Variants in RETREG1 observed in about 807,000 individuals in gnomAD.
RETREG1 encodes the protein reticulophagy regulator 1.
Under a neutral mutation model 54.8 loss-of-function variants are expected in RETREG1, and 44 were observed. That is an observed-to-expected ratio of 0.80 (90% CI 0.63 to 1.03). The LOEUF (loss-of-function observed/expected upper bound fraction) is 1.03, where lower values mean the gene tolerates loss of function less well. Ranked by LOEUF, RETREG1 falls within the 50% of genes least tolerant of loss-of-function variation. The pLI, the probability that RETREG1 is intolerant of heterozygous loss-of-function variation, is 0.00. For synonymous variants in RETREG1, 217 were observed against 238.5 expected (o/e 0.91, Z 0.83); for missense variants, 554 against 605.1 (o/e 0.92, Z 0.89).
rs368759467 is a variant in RETREG1 at position 16,478,862 on chromosome 5, G to T, written c.796C>A (p.Arg266Ser). 6.2e-7 allele frequency: 1 copy of T among 1,611,650 alleles called. No individual in the cohort carries two copies. Among genetic ancestry groups the T allele is most frequent in the South Asian group, 1.1e-5 (1 of 91,012 alleles). ...GIGEYINQKK[R>S]ERSEADKEKS... ...AAACTTTACCTACCAGATCTCTCACGTTTCTTCTGATTAATATATTCTCCA... is the reference window on the plus strand; with the variant it reads ...AAACTTTACCTACCAGATCTCTCACTTTTCTTCTGATTAATATATTCTCCA... Residue 266 changes from arginine (R) to serine (S), a missense_variant, in exon 6 of 9, where the codon CGT (arginine) becomes AGT (serine). Physicochemically the swap from Arg to Ser is moderately radical, Grantham distance 110 (BLOSUM62 -1). Around this residue, in one of 4 missense-constraint regions of RETREG1, gnomAD observed 347 missense variants for 412.3 expected, o/e 0.84. Transcript: ENST00000306320.
At chr5:16,565,930 C>T (rs1025865171) in intron 2 of RETREG1, 137 bp from the exon 3 acceptor site, 2 of 896,510 alleles carry the variant, frequency 2.2e-6, no homozygotes, top group Non-Finnish European at 1.8e-6. Context: ...TCAAGTCATA[C>T]AGTGTACACT....
chr5:16,565,046 A>T (rs1243432136), intron 3 of RETREG1, among the ~76,000 whole-genome samples: 1 of 152,158 alleles, frequency 6.6e-6, no homozygotes, highest in Non-Finnish European at 1.5e-5. Context: ...TAAAAAATCA[A>T]TTCCTACAAA....
chr5:16,602,322 G>T (rs1207394710), intron 1 of RETREG1, among the ~76,000 whole-genome samples: 1 of 152,090 alleles, frequency 6.6e-6, no homozygotes, highest in East Asian at 1.9e-4. Context: ...CTCCAACACA[G>T]GAGAGAAGGA....
chr5:16,483,432 G>A lies in RETREG1; in HGVS notation c.499C>T (p.Leu167Phe). The change falls in exon 4 of 9, where the codon CTC (leucine) becomes TTC (phenylalanine). Residue 167 changes from leucine (L) to phenylalanine (F), a missense_variant. Transcript: ENST00000306320. ...INSKPDERPRLSHCIAESWMN... is the reference protein window; with the variant it reads ...INSKPDERPRFSHCIAESWMN... ...CATGATTCTGCAATACAGTGGCTGA[G>A]CCTGGGTCTTTCATCTGGTTTGGAA... 1 of 1,613,212 alleles carries A rather than the reference G, an allele frequency of 6.2e-7. No individual in the cohort carries two copies. Among genetic ancestry groups the A allele is most frequent in the South Asian group, 1.1e-5 (1 of 91,052 alleles).
intron 3 of RETREG1, among the ~76,000 whole-genome samples, chr5:16,556,610 C>A (rs1741715436): frequency 6.6e-6 from 1 of 152,064 alleles, no homozygotes; most frequent in African/African-American, 2.4e-5. Context: ...ATATCTTTTG[C>A]TTAGGGAGTT....
At chr5:16,533,977 TGAG>T (rs1740985942) in intron 3 of RETREG1, among the ~76,000 whole-genome samples, 1 of 152,000 alleles carries the variant, frequency 6.6e-6, no homozygotes, top group Non-Finnish European at 1.5e-5. Flanking sequence ...TGGTGGAGTG[TGAG>T]GTCTGGAGCC....
At chr5:16,508,785 A>G in intron 3 of RETREG1, 1 of 1,476,172 alleles carries the variant, frequency 6.8e-7, no homozygotes, top group Non-Finnish European at 9.0e-7. Flanking sequence ...CTTACTCAGA[A>G]AGTTGGTGTT....
chr5:16,553,630 T>G (rs1741607024), intron 3 of RETREG1, among the ~76,000 whole-genome samples: 1 of 152,112 alleles, frequency 6.6e-6, no homozygotes, highest in Admixed American at 6.6e-5. Context: ...GGCTTTTTTT[T>G]GAAAAGCAAA....
rs1202979712 is a variant in RETREG1 at position 16,597,890 on chromosome 5, C to T, written c.320+18762G>A. 6.6e-6 allele frequency among the ~76,000 whole-genome samples: 1 copy of T among 152,132 alleles called. No individual in the cohort carries two copies. Among genetic ancestry groups the T allele is most frequent in the Non-Finnish European group, 1.5e-5 (1 of 68,034 alleles). ...TGGACCTGCTTCCTTTCCAGCCTCACCTCCTGTGACCGCTGGCACGACTTC... is the reference window on the plus strand; with the variant it reads ...TGGACCTGCTTCCTTTCCAGCCTCATCTCCTGTGACCGCTGGCACGACTTC... On this transcript the variant is annotated intron_variant, in intron 1 of 8. Transcript: ENST00000306320. This position sits in a 1 kb window ranked among gnomAD's most constrained non-coding sequence, Gnocchi z 4.3.
chr5:16,589,329 T>TC (rs1742697480), intron 1 of RETREG1, among the ~76,000 whole-genome samples: 1 of 151,808 alleles, frequency 6.6e-6, no homozygotes, highest in African/African-American at 2.4e-5. Context: ...TTTTTTTTTT[T>TC]CAAAAAGGAG....
intron 3 of RETREG1, among the ~76,000 whole-genome samples, chr5:16,538,885 T>C (rs576661796): frequency 5.9e-5 from 9 of 152,288 alleles, no homozygotes; most frequent in Admixed American, 2.0e-4. Context: ...TTTGTATTTT[T>C]AGTAGAAACG....
At chr5:16,517,271 T>C (rs1740390683) in intron 3 of RETREG1, among the ~76,000 whole-genome samples, 1 of 152,290 alleles carries the variant, frequency 6.6e-6, no homozygotes, top group Non-Finnish European at 1.5e-5. Flanking sequence ...CCAGGATGTG[T>C]AGGCCTGACC....
At chr5:16,544,146 T>C (rs1741327440) in intron 3 of RETREG1, among the ~76,000 whole-genome samples, 1 of 151,856 alleles carries the variant, frequency 6.6e-6, no homozygotes, top group Non-Finnish European at 1.5e-5. Context: ...AAGCTAATTT[T>C]TGTACTTTTA....
intron 5 of RETREG1, among the ~76,000 whole-genome samples, chr5:16,479,780 A>G (rs1738690444): frequency 6.6e-6 from 1 of 152,072 alleles, no homozygotes; most frequent in Admixed American, 6.6e-5. Flanking sequence ...TTATATTTTA[A>G]AATAAGAGCT....
intron 3 of RETREG1, 139 bp downstream of exon 3, chr5:16,565,624 T>C: frequency 1.1e-6 from 1 of 926,152 alleles, no homozygotes; most frequent in Non-Finnish European, 1.7e-6. Context: ...GTATTTTTCT[T>C]CATTTTCCCA....
Position 16,543,998 on chromosome 5 carries a change from G to A in RETREG1, c.458+21765C>T, listed in dbSNP as rs539989782. On this transcript the variant is annotated intron_variant, in intron 3 of 8. Transcript: ENST00000306320. ...TTTTTTTTTTTTTTTTTTTGGAGAC[G>A]GAGTCTCACTCTTGTCACCCAGGCT... 2.2e-3 allele frequency among the ~76,000 whole-genome samples: 286 copies of A among 132,208 alleles called. 1 individual carries two copies. Among genetic ancestry groups the A allele is most frequent in the Non-Finnish European group, 2.6e-3 (166 of 64,146 alleles). The allele number at this position is 132,208 out of a possible 152,430, so 86.7% of individuals were successfully genotyped here. A position where few individuals can be genotyped will look rare whatever the true frequency, so the allele number is the denominator to read the frequency against.
At chr5:16,538,196 C>A (rs930382237) in intron 3 of RETREG1, among the ~76,000 whole-genome samples, 6 of 152,212 alleles carry the variant, frequency 3.9e-5, no homozygotes, top group African/African-American at 1.4e-4. Context: ...GAGCAGATGG[C>A]GCCTGGCTCC....
chr5:16,593,025 G>A lies in RETREG1; in HGVS notation c.321-20923C>T, dbSNP rs1287010355. ...ATGAGTTCACCTATATAACACACTT[G>A]AACTTAAAAGTTTTTCAAAAAAAAA... is the stretch of plus-strand genomic sequence containing the variant. On this transcript the variant is annotated intron_variant, in intron 1 of 8. Coordinates refer to ENST00000306320, the MANE Select transcript of RETREG1 (RefSeq NM_001034850.3). This position sits in a 1 kb window ranked among gnomAD's most constrained non-coding sequence, Gnocchi z 4.9. Among the ~76,000 whole-genome samples, 3 of 151,946 alleles carry A rather than the reference G, an allele frequency of 2.0e-5. No individual in the cohort carries two copies. The highest frequency in any genetic ancestry group is 2.9e-5 in the Non-Finnish European group (2 of 68,006).
intron 3 of RETREG1, among the ~76,000 whole-genome samples, chr5:16,492,308 C>A (rs1429188913): frequency 6.6e-6 from 1 of 151,028 alleles, no homozygotes; most frequent in Non-Finnish European, 1.5e-5. Context: ...GTGCAATAAT[C>A]ATTTCCAAAG....
Sources: allele counts gnomAD v4.1 joint callset (sites outside exome capture counted in the v4.1 genomes callset), GRCh38; gene constraint gnomAD v4.1.1; regional missense constraint gnomAD v4.1.1; non-coding constraint Gnocchi (gnomAD v3.1); transcripts MANE v1.5; gene names NCBI Gene and HGNC (gene_info 2026-07-23, HGNC 2026-07-21).